The following ZNF675 variants were observed in gnomAD, a reference collection of about 807,000 sequenced individuals.
ZNF675 encodes TRAF6 inhibitory zinc finger.
Under a neutral mutation model 56.1 loss-of-function variants are expected in ZNF675, and 36 were observed. That is an observed-to-expected ratio of 0.64 (90% CI 0.49 to 0.85). The LOEUF is 0.85. ZNF675 is among the 40% of genes least tolerant of loss of function. The probability of loss-of-function intolerance (pLI) is 0.00; values close to 1 mark genes in which losing one functional copy is unlikely to be tolerated. For synonymous variants in ZNF675, 200 were observed against 218.9 expected (o/e 0.91, Z 0.76); for missense variants, 663 against 654.2 (o/e 1.01, Z -0.15).
intron 1 of ZNF675, among the ~76,000 whole-genome samples, chr19:23,674,231 A>G (rs1440436306): frequency 6.6e-6 from 1 of 151,910 alleles, no homozygotes; most frequent in Non-Finnish European, 1.5e-5. Flanking sequence ...AAACAAAAAT[A>G]AAAATAAAAT....
chr19:23,666,325 T>C (rs1968150273), intron 1 of ZNF675, among the ~76,000 whole-genome samples: 2 of 152,228 alleles, frequency 1.3e-5, no homozygotes, highest in African/African-American at 2.4e-5. Flanking sequence ...TTGCAATCAA[T>C]TGGATATTTG....
At chr19:23,677,443 C>T (rs914322340) in intron 1 of ZNF675, among the ~76,000 whole-genome samples, 2 of 151,648 alleles carry the variant, frequency 1.3e-5, no homozygotes, top group Admixed American at 6.6e-5. Context: ...CGGTGGCTCA[C>T]GCCTGTAATC....
In ZNF675 at chr19:23,653,725, T is replaced by C. The variant is rs1713786670; in HGVS notation, c.1208A>G (p.Lys403Arg). ...EKPYKCKECGKAFKHSSALTT... is the reference protein window; with the variant it reads ...EKPYKCKECGRAFKHSSALTT... Reference sequence around the variant, plus strand: ...AAGGGCTGAGGAGTGTTTAAAAGCTTTGCCACATTCTTTACATTTGTAGGG... The same window carrying C: ...AAGGGCTGAGGAGTGTTTAAAAGCTCTGCCACATTCTTTACATTTGTAGGG... Residue 403 changes from lysine to arginine, a missense_variant, in exon 4 of 4, where the codon AAA becomes AGA. Lys to Arg is a conservative substitution (Grantham distance 26). Coordinates refer to ENST00000359788, the MANE Select transcript of ZNF675 (RefSeq NM_138330.3). 6.2e-7 allele frequency: 1 copy of C among 1,613,772 alleles called. No homozygotes were observed. The highest frequency in any genetic ancestry group is 1.7e-5 in the Admixed American group (1 of 59,984).
Position 23,686,964 on chromosome 19 carries a change from T to C in ZNF675, c.3+67A>G, listed in dbSNP as rs529876619. The C allele has an allele frequency of 3.0e-4, 475 of 1,600,624 alleles. 6 individuals carry two copies. In the East Asian group the frequency reaches 0.011, roughly 36 times the overall value. Reference sequence around the variant, plus strand: ...CTGCGGGGAGGCCTGAGTCCCGCCATAGCCATTTCCCACGGGTTCCAACCA... The same window carrying C: ...CTGCGGGGAGGCCTGAGTCCCGCCACAGCCATTTCCCACGGGTTCCAACCA... On this transcript the variant is annotated intron_variant, in intron 1 of 3. Coordinates refer to ENST00000359788, the MANE Select transcript of ZNF675 (RefSeq NM_138330.3).
At chr19:23,668,844 C>T (rs909860197) in intron 1 of ZNF675, among the ~76,000 whole-genome samples, 1 of 152,188 alleles carries the variant, frequency 6.6e-6, no homozygotes, top group Admixed American at 6.5e-5. Context: ...CAAGCCCACG[C>T]CCACCCGGAA....
intron 1 of ZNF675, among the ~76,000 whole-genome samples, chr19:23,679,182 A>AAAG (rs144251455): frequency 6.6e-6 from 1 of 150,480 alleles, no homozygotes; most frequent in Non-Finnish European, 1.5e-5. Flanking sequence ...AAAAAAAAAA[A>AAAG]AGAGAACAAA....
At chr19:23,666,710 G>A (rs1968154809) in intron 1 of ZNF675, among the ~76,000 whole-genome samples, 3 of 150,558 alleles carry the variant, frequency 2.0e-5, no homozygotes, top group Non-Finnish European at 4.4e-5. Context: ...AGAGGAGGTA[G>A]GCCCAAAGTA....
chr19:23,677,291 T>C (rs1312594695), intron 1 of ZNF675, among the ~76,000 whole-genome samples: 1 of 151,464 alleles, frequency 6.6e-6, no homozygotes, highest in Non-Finnish European at 1.5e-5. Context: ...ACCTATAGTC[T>C]CAGCAGAAAA....
intron 1 of ZNF675, among the ~76,000 whole-genome samples, chr19:23,683,584 G>C (rs986440454): frequency 1.3e-5 from 2 of 152,088 alleles, no homozygotes; most frequent in Non-Finnish European, 2.9e-5. Flanking sequence ...ACCATGCCCG[G>C]CTGATTTTTG....
At chr19:23,656,008 A>T (rs530824233) in intron 3 of ZNF675, 10 of 147,202 alleles carry the variant, frequency 6.8e-5, no homozygotes, top group African/African-American at 2.0e-4. Context: ...ACTGAGGTAA[A>T]AGGATCACTT....
chr19:23,664,302 CA>C (rs1479681103), intron 1 of ZNF675, among the ~76,000 whole-genome samples: 2 of 152,142 alleles, frequency 1.3e-5, no homozygotes, highest in East Asian at 3.9e-4. Context: ...AAGGTATCAG[CA>C]CCACATGTTT....
chr19:23,673,895 A>G (rs1799906874), intron 1 of ZNF675, among the ~76,000 whole-genome samples: 1 of 151,828 alleles, frequency 6.6e-6, no homozygotes, highest in Non-Finnish European at 1.5e-5. Flanking sequence ...GAAACTCCAC[A>G]ATGATAGAAC....
chr19:23,673,041 G>A (rs966583113), intron 1 of ZNF675, among the ~76,000 whole-genome samples: 1 of 152,164 alleles, frequency 6.6e-6, no homozygotes, highest in African/African-American at 2.4e-5. Flanking sequence ...CAGTTTCAAG[G>A]TATGAATACA....
intron 1 of ZNF675, among the ~76,000 whole-genome samples, chr19:23,685,296 G>A (rs905415106): frequency 6.6e-6 from 1 of 152,116 alleles, no homozygotes; most frequent in African/African-American, 2.4e-5. Flanking sequence ...GCGCAGGGGA[G>A]AGTCCTATCA....
At chr19:23,672,055 T>G (rs762670195) in intron 1 of ZNF675, among the ~76,000 whole-genome samples, 1 of 152,034 alleles carries the variant, frequency 6.6e-6, no homozygotes, top group Non-Finnish European at 1.5e-5. Context: ...TCAGTGCCCC[T>G]GAGCTGGTGG....
chr19:23,684,972 G>T (rs1968424554), intron 1 of ZNF675, among the ~76,000 whole-genome samples: 1 of 148,740 alleles, frequency 6.7e-6, no homozygotes, highest in Non-Finnish European at 1.5e-5. Context: ...ATGGAAGCTG[G>T]GTTGAGTAAA....
intron 1 of ZNF675, among the ~76,000 whole-genome samples, chr19:23,681,090 C>T (rs1274397770): frequency 2.0e-5 from 3 of 151,730 alleles, no homozygotes; most frequent in Non-Finnish European, 4.4e-5. Flanking sequence ...TTAGGTGAGG[C>T]TACACTGATT....
At chr19:23,683,122 GA>G (rs1968398220) in intron 1 of ZNF675, among the ~76,000 whole-genome samples, 1 of 151,164 alleles carries the variant, frequency 6.6e-6, no homozygotes, top group African/African-American at 2.5e-5. Flanking sequence ...CTGGGAGGCG[GA>G]AGGTTGCAGT....
At chr19:23,683,395 C>A (rs1968401891) in intron 1 of ZNF675, among the ~76,000 whole-genome samples, 2 of 151,926 alleles carry the variant, frequency 1.3e-5, no homozygotes, top group Admixed American at 6.6e-5. Flanking sequence ...TTATCTACTA[C>A]ATTTTCTTGT....
Sources: gnomAD v4.1 joint callset for allele counts (sites outside exome capture counted in the v4.1 genomes callset) on GRCh38, gnomAD v4.1.1 for gene constraint, MANE v1.5 for transcripts, NCBI Gene and HGNC (gene_info 2026-07-23, HGNC 2026-07-21) for gene names.